Variants in NALCN observed in about 807,000 individuals in gnomAD.
NALCN encodes the protein sodium leak channel, non-selective.
Under a neutral mutation model 225.3 loss-of-function variants are expected in NALCN, and 111 were observed. The ratio of observed to expected loss-of-function variants is 0.49; its 90% CI spans 0.42 to 0.58. The LOEUF (loss-of-function observed/expected upper bound fraction) is 0.58, where lower values mean the gene tolerates loss of function less well. NALCN is among the 20% of genes least tolerant of loss of function. The probability of loss-of-function intolerance (pLI) is 0.00; values close to 1 mark genes in which losing one functional copy is unlikely to be tolerated. For missense variants in NALCN, 1,378 were observed against 2,202.4 expected (o/e 0.63, Z 7.49); for synonymous variants, 764 against 769.0 (o/e 0.99, Z 0.11).
chr13:101,129,086 T>C (rs1268797980), intron 17 of NALCN, among the ~76,000 whole-genome samples: 2 of 152,226 alleles, frequency 1.3e-5, no homozygotes, highest in East Asian at 3.9e-4. Context: ...TGTTCATTTC[T>C]TAGATCCCTT....
rs528891240 is a variant in NALCN, at chr13:101,089,643, T to G, written c.3489+20A>C. 9.7e-5 allele frequency: 156 copies of G among 1,610,984 alleles called. 1 individual carries two copies. The highest frequency in any genetic ancestry group is 9.6e-4 in the South Asian group (87 of 90,926). Reference sequence around the variant, plus strand: ...CTAGAAAAGGCTAAACCCTGTGGTATCCAAACCAAAAATCCTTACCTTGTT... The same window carrying G: ...CTAGAAAAGGCTAAACCCTGTGGTAGCCAAACCAAAAATCCTTACCTTGTT... On this transcript the variant is annotated intron_variant, in intron 30 of 43. Coordinates refer to ENST00000251127, the MANE Select transcript of NALCN (RefSeq NM_052867.4). This position sits in a 1 kb window ranked among gnomAD's most constrained non-coding sequence, Gnocchi z 4.7.
At position 101,054,328 on chromosome 13, in the gene NALCN, A is replaced by T. The variant is rs1242635781; in HGVS notation, c.*967T>A. ...TTTCCATAGAAGATTCTTTTAACAG[A>T]GATGTCATTTCAAATCTAACGTAGC... On this transcript the variant is annotated 3_prime_UTR_variant, in exon 44 of 44. Transcript: ENST00000251127. 6.6e-6 allele frequency: 1 copy of T among 152,238 alleles called. No homozygotes were observed. The highest frequency in any genetic ancestry group is 2.4e-5 in the African/African-American group (1 of 41,466). The allele number at this position is 152,238 out of a possible 1,614,324, so 9.4% of individuals were successfully genotyped here.
chr13:101,117,755 TCCATTCTCCTACTGA>T (rs556012060), intron 18 of NALCN, among the ~76,000 whole-genome samples: 226 of 152,354 alleles, frequency 1.5e-3, no homozygotes, highest in African/African-American at 5.3e-3. Flanking sequence ...AGTTTGCTTA[TCCATTCTCCTACTGA>T]AGGACATCTT....
At chr13:101,229,635 A>G in intron 12 of NALCN, 51 bp from the exon 13 acceptor site, 2 of 1,357,368 alleles carry the variant, frequency 1.5e-6, no homozygotes, top group Non-Finnish European at 2.0e-6. Context: ...ATTTATTTAC[A>G]CTGAATCTTA....
At chr13:101,395,570 T>C (rs914102430) in intron 2 of NALCN, among the ~76,000 whole-genome samples, 3 of 152,238 alleles carry the variant, frequency 2.0e-5, no homozygotes, top group Non-Finnish European at 4.4e-5. Context: ...TCAAGGCACC[T>C]ATTTTCCACA....
At chr13:101,122,624 T>C (rs2036032528) in intron 18 of NALCN, among the ~76,000 whole-genome samples, 1 of 152,224 alleles carries the variant, frequency 6.6e-6, no homozygotes, top group African/African-American at 2.4e-5. Flanking sequence ...CTAGCATTAT[T>C]GTGTTTGTGC....
At chr13:101,374,759 T>C (rs1031065876) in intron 6 of NALCN, among the ~76,000 whole-genome samples, 1 of 152,240 alleles carries the variant, frequency 6.6e-6, no homozygotes, top group Non-Finnish European at 1.5e-5. Context: ...AACTTGCACA[T>C]GCCTCCTGGT....
chr13:101,059,645 C>T (rs144991323), intron 42 of NALCN, among the ~76,000 whole-genome samples, 173 bp downstream of exon 42: 12 of 149,106 alleles, frequency 8.0e-5, no homozygotes, highest in African/African-American at 3.0e-4. Context: ...AAGACATAGA[C>T]ATAATCTGGA....
chr13:101,367,020 A>G (rs2046395511), intron 6 of NALCN, among the ~76,000 whole-genome samples: 2 of 152,262 alleles, frequency 1.3e-5, no homozygotes, highest in East Asian at 3.9e-4. Flanking sequence ...CATATGCGTG[A>G]GATCATGCAG....
intron 15 of NALCN, among the ~76,000 whole-genome samples, chr13:101,157,752 T>TTTA: frequency 1.5e-5 from 1 of 68,082 alleles, no homozygotes; most frequent in South Asian, 4.6e-4. Context: ...GACATGGTCT[T>TTTA]TTTTTTTTTT....
At chr13:101,063,416 A>G (rs9585610) in intron 40 of NALCN, among the ~76,000 whole-genome samples, 15,494 of 152,270 alleles carry the variant, frequency 0.1, 997 homozygotes, top group African/African-American at 0.17. Context: ...GGAAGGGGAG[A>G]GACAGCCCCA....
intron 6 of NALCN, among the ~76,000 whole-genome samples, chr13:101,347,824 A>G (rs765707374): frequency 1.3e-5 from 2 of 152,234 alleles, no homozygotes; most frequent in Non-Finnish European, 2.9e-5. Flanking sequence ...TGCACTTTGC[A>G]TAGCACCTAA....
chr13:101,073,593 A>G lies in NALCN; in HGVS notation c.4188T>C (p.His1396=), dbSNP rs1471006565. The part of the protein sequence containing the change: ...VTGEDWNKIM[H]DCMVQPPFCT... ...GATGAGAGATATTTACCATACAGTC[A>G]TGCATAATCTTGTTCCAGTCTTCAC... Residue 1396 remains histidine, a synonymous_variant, in exon 37 of 44, where the codon CAT becomes CAC. Transcript: ENST00000251127. The G allele has an allele frequency of 6.2e-7, 1 of 1,612,794 alleles. No homozygotes were observed. Among genetic ancestry groups the G allele is most frequent in the East Asian group, 2.2e-5 (1 of 44,856 alleles).
chr13:101,103,962 CT>C (rs879640670), intron 25 of NALCN, among the ~76,000 whole-genome samples: 140 of 145,980 alleles, frequency 9.6e-4, no homozygotes, highest in East Asian at 7.1e-3. Flanking sequence ...ATGAGGCAAA[CT>C]TTTTTTTTTT....
chr13:101,367,019 G>C lies in NALCN; in HGVS notation c.644+9681C>G, dbSNP rs148242695. On this transcript the variant is annotated intron_variant, in intron 6 of 43. Transcript: ENST00000251127. Reference sequence around the variant, plus strand: ...ACTGGTTAGGATTCCACATATGCGTGAGATCATGCAGTATTGATCTTTCTG... The same window carrying C: ...ACTGGTTAGGATTCCACATATGCGTCAGATCATGCAGTATTGATCTTTCTG... Among the ~76,000 whole-genome samples the C allele has an allele frequency of 4.9e-4, 74 of 152,170 alleles. No homozygotes were observed. The Middle Eastern group carries it at 0.014, about 28-fold the overall frequency.
chr13:101,248,783 C>A (rs2041975811), intron 11 of NALCN, among the ~76,000 whole-genome samples: 1 of 152,194 alleles, frequency 6.6e-6, no homozygotes, highest in South Asian at 2.1e-4. Flanking sequence ...GATTTGCAAC[C>A]TTTTTGCTTT....
intron 15 of NALCN, among the ~76,000 whole-genome samples, chr13:101,152,512 A>C (rs1017401806): frequency 6.6e-6 from 1 of 152,186 alleles, no homozygotes; most frequent in African/African-American, 2.4e-5. Context: ...AATGTCCTTC[A>C]GAAGGTTACT....
chr13:101,149,225 G>A (rs559431949), intron 15 of NALCN, among the ~76,000 whole-genome samples: 46 of 151,854 alleles, frequency 3.0e-4, no homozygotes, highest in African/African-American at 1.0e-3. Flanking sequence ...CCCGGGAGGT[G>A]GAGCTTACAG....
At chr13:101,352,117 A>G (rs2045923360) in intron 6 of NALCN, among the ~76,000 whole-genome samples, 1 of 152,182 alleles carries the variant, frequency 6.6e-6, no homozygotes, top group South Asian at 2.1e-4. Context: ...TATGCCACAC[A>G]GCATGCTAGG....
Sources: allele counts gnomAD v4.1 joint callset (sites outside exome capture counted in the v4.1 genomes callset), GRCh38; gene constraint gnomAD v4.1.1; non-coding constraint Gnocchi (gnomAD v3.1); transcripts MANE v1.5; gene names NCBI Gene and HGNC (gene_info 2026-07-23, HGNC 2026-07-21).